Variants in CSMD1 observed in about 807,000 individuals in gnomAD.
CSMD1 encodes CUB and Sushi multiple domains 1.
In CSMD1, 213 loss-of-function variants were observed where a neutral mutation model predicts 417.5. The observed-to-expected ratio is 0.51, with a 90% confidence interval of 0.46 to 0.57. The LOEUF (loss-of-function observed/expected upper bound fraction) is 0.57, where lower values mean the gene tolerates loss of function less well. Ranked by LOEUF, CSMD1 falls within the 20% of genes least tolerant of loss-of-function variation. The pLI is 0.00. For missense variants in CSMD1, 6,923 were observed against 4,529.7 expected, an observed-to-expected ratio of 1.53 and a Z score of -15.17; for synonymous variants, 2,862 against 1,736.8, an observed-to-expected ratio of 1.65 and a Z score of -16.11.
intron 52 of CSMD1, among the ~76,000 whole-genome samples, chr8:3,012,870 A>G (rs598975): frequency 0.2 from 30,880 of 152,132 alleles, 5,780 homozygotes; most frequent in African/African-American, 0.5. Context: ...CCTGTCAAGG[A>G]TGGAGACAGG....
chr8:4,316,682 G>A (rs560353983), intron 3 of CSMD1, among the ~76,000 whole-genome samples: 3 of 151,436 alleles, frequency 2.0e-5, no homozygotes, highest in East Asian at 1.9e-4. Flanking sequence ...TGCAAACTAA[G>A]GGGGGGGCTT....
At chr8:3,721,220 T>C (rs1802151115) in intron 6 of CSMD1, among the ~76,000 whole-genome samples, 1 of 152,176 alleles carries the variant, frequency 6.6e-6, no homozygotes, top group South Asian at 2.1e-4. Flanking sequence ...GCAATTTTAT[T>C]TGTGAAACTC....
At chr8:4,144,623 T>C (rs969368294) in intron 3 of CSMD1, among the ~76,000 whole-genome samples, 6 of 151,038 alleles carry the variant, frequency 4.0e-5, no homozygotes, top group Non-Finnish European at 8.8e-5. Flanking sequence ...CTTGTTCTTG[T>C]TTGTCTGGAG....
chr8:3,969,250 G>C (rs796285685), intron 5 of CSMD1, among the ~76,000 whole-genome samples: 4 of 152,058 alleles, frequency 2.6e-5, no homozygotes, highest in South Asian at 4.1e-4. Flanking sequence ...ACTCTGTCTC[G>C]ATAAATAAAG....
At chr8:3,495,438 T>C (rs1485863903) in intron 10 of CSMD1, among the ~76,000 whole-genome samples, 2 of 152,156 alleles carry the variant, frequency 1.3e-5, no homozygotes, top group East Asian at 3.9e-4. Flanking sequence ...GAATGGGCTC[T>C]CATTAGGGGT....
chr8:3,127,507 T>C (rs1260960349), intron 41 of CSMD1: 2 of 152,338 alleles, frequency 1.3e-5, no homozygotes, highest in East Asian at 3.9e-4. Flanking sequence ...TAATTGCTTG[T>C]TCTTCTAAAG....
chr8:4,177,466 C>G, intron 3 of CSMD1, among the ~76,000 whole-genome samples: 1 of 152,030 alleles, frequency 6.6e-6, no homozygotes, highest in East Asian at 1.9e-4. Context: ...TAAATGTCCA[C>G]AAGAGAAAGT....
chr8:3,229,738 G>A (rs540266552), intron 27 of CSMD1, among the ~76,000 whole-genome samples: 51 of 152,186 alleles, frequency 3.4e-4, no homozygotes, highest in Non-Finnish European at 6.8e-4. Context: ...TAAATTTTGA[G>A]GCAACTAGAA....
At chr8:3,323,635 C>T (rs567682976) in intron 23 of CSMD1, among the ~76,000 whole-genome samples, 9 of 152,292 alleles carry the variant, frequency 5.9e-5, no homozygotes, top group African/African-American at 1.2e-4. Flanking sequence ...TCAAAAACAA[C>T]GTTGTGTTTA....
In CSMD1 at chr8:4,878,912, C is replaced by A. The variant is rs115292983; in HGVS notation, c.85+115420G>T. ...CTGATGATGCTCCGAGCAGAGAGAA[C>A]GACAAGGTGAAGAGGACGACAAGGT... On this transcript the variant is annotated intron_variant, in intron 1 of 69. Transcript: ENST00000635120. Among the ~76,000 whole-genome samples the A allele has an allele frequency of 1.1e-3, 172 of 150,494 alleles. 3 individuals carry two copies. Among genetic ancestry groups the A allele is most frequent in the African/African-American group, 3.8e-3 (157 of 40,890 alleles).
intron 5 of CSMD1, among the ~76,000 whole-genome samples, chr8:3,768,014 A>T (rs1223564965): frequency 6.6e-6 from 1 of 152,196 alleles, no homozygotes; most frequent in East Asian, 1.9e-4. Context: ...AAACTCCATG[A>T]ATGCACCAGG....
At chr8:4,478,425 T>A (rs1800917135) in intron 2 of CSMD1, among the ~76,000 whole-genome samples, 1 of 152,208 alleles carries the variant, frequency 6.6e-6, no homozygotes, top group Admixed American at 6.5e-5. Flanking sequence ...ATATATCTTG[T>A]CAGTAAGTCA....
intron 2 of CSMD1, among the ~76,000 whole-genome samples, chr8:4,502,798 C>T (rs933824728): frequency 1.1e-4 from 16 of 152,124 alleles, no homozygotes; most frequent in African/African-American, 3.9e-4. Flanking sequence ...ATCTGTTGGA[C>T]TCACCAGTAA....
intron 4 of CSMD1, among the ~76,000 whole-genome samples, chr8:4,007,117 T>G (rs912256566): frequency 6.6e-6 from 1 of 152,110 alleles, no homozygotes; most frequent in African/African-American, 2.4e-5. Context: ...GTATTACAGG[T>G]GTCAGCCACC....
At chr8:4,917,205 TTAAAA>T (rs1478400336) in intron 1 of CSMD1, among the ~76,000 whole-genome samples, 2 of 152,000 alleles carry the variant, frequency 1.3e-5, no homozygotes, top group African/African-American at 2.4e-5. Flanking sequence ...GCTACACACT[TTAAAA>T]TAAGCAGATC....
intron 10 of CSMD1, chr8:3,515,154 G>A (rs77359362): frequency 1.3e-5 from 2 of 152,148 alleles, no homozygotes; most frequent in East Asian, 3.9e-4. Context: ...GAAGGATCAA[G>A]AAGTAGTCAT....
intron 5 of CSMD1, among the ~76,000 whole-genome samples, chr8:3,767,937 A>G (rs1309116018): frequency 6.6e-6 from 1 of 152,192 alleles, no homozygotes. Context: ...ACTTTACATT[A>G]ATGATGTGAA....
At chr8:3,576,921 C>T (rs545043504) in intron 9 of CSMD1, among the ~76,000 whole-genome samples, 2 of 152,332 alleles carry the variant, frequency 1.3e-5, no homozygotes, top group Admixed American at 6.5e-5. Context: ...TCATAATTAA[C>T]AGCTGTTATA....
intron 12 of CSMD1, among the ~76,000 whole-genome samples, chr8:3,445,085 A>G (rs1360496400): frequency 6.6e-6 from 1 of 152,232 alleles, no homozygotes; most frequent in Non-Finnish European, 1.5e-5. Context: ...GGCAAATTCA[A>G]CAGGGAAAAA....
Sources: allele counts gnomAD v4.1 joint callset (sites outside exome capture counted in the v4.1 genomes callset), GRCh38; gene constraint gnomAD v4.1.1; transcripts MANE v1.5; gene names NCBI Gene and HGNC (gene_info 2026-07-23, HGNC 2026-07-21).